Variants in TRAF3 observed in about 807,000 individuals in gnomAD.
The protein encoded by TRAF3 is TNF receptor associated factor 3, also known as TNF receptor-associated factor 3.
In TRAF3, 13 loss-of-function variants were observed where a neutral mutation model predicts 62.3. That is an observed-to-expected ratio of 0.21 (90% CI 0.14 to 0.33). TRAF3 has a LOEUF of 0.33. Among genes scored for constraint, TRAF3 ranks in the 10% least tolerant of loss-of-function variants. The probability of loss-of-function intolerance (pLI) is 1.00; values close to 1 mark genes in which losing one functional copy is unlikely to be tolerated. For synonymous variants in TRAF3, 269 were observed against 283.4 expected (o/e 0.95, Z 0.51); for missense variants, 440 against 741.8 (o/e 0.59, Z 4.73).
intron 1 of TRAF3, among the ~76,000 whole-genome samples, chr14:102,816,682 G>A (rs7144686): frequency 0.85 from 130,139 of 152,230 alleles, 55,814 homozygotes; most frequent in East Asian, 0.95. Flanking sequence ...TTGATTATAT[G>A]ATGATCATAT....
At chr14:102,789,360 A>C (rs1346283230) in intron 1 of TRAF3, among the ~76,000 whole-genome samples, 2 of 152,108 alleles carry the variant, frequency 1.3e-5, no homozygotes, top group African/African-American at 4.8e-5. Context: ...TTTTTATTTC[A>C]CTTGGGTATA....
rs975164757 is a variant in TRAF3, at chr14:102,889,486, A to T, written c.652-74A>T. On this transcript the variant is annotated intron_variant, in intron 7 of 11. Transcript: ENST00000392745. ...TTCTTAATAGTACAGCTCAGATGCT[A>T]TCTGTGCCCTAATATGTTTGAACAT... 4 of 1,446,246 alleles carry T rather than the reference A, an allele frequency of 2.8e-6. No individual in the cohort carries two copies. The African/African-American group carries it at 5.6e-5, about 20-fold the overall frequency. The allele number at this position is 1,446,246 out of a possible 1,614,324, so 89.6% of individuals were successfully genotyped here.
At chr14:102,893,825 G>C (rs560123254) in intron 9 of TRAF3, among the ~76,000 whole-genome samples, 6 of 152,310 alleles carry the variant, frequency 3.9e-5, no homozygotes, top group Non-Finnish European at 8.8e-5. Context: ...AGGCCAGCCA[G>C]CTCGGCTCTG....
chr14:102,881,248 G>A (rs145941390), intron 6 of TRAF3, among the ~76,000 whole-genome samples: 1 of 151,992 alleles, frequency 6.6e-6, no homozygotes, highest in African/African-American at 2.4e-5. Context: ...GCTGGGCATG[G>A]TAACACATGC....
intron 6 of TRAF3, among the ~76,000 whole-genome samples, chr14:102,879,805 C>T (rs1198099137): frequency 6.6e-6 from 1 of 151,982 alleles, no homozygotes; most frequent in Non-Finnish European, 1.5e-5. Context: ...TGTGGTACTT[C>T]AGATGTTTCC....
chr14:102,811,344 G>C (rs939967001), intron 1 of TRAF3, among the ~76,000 whole-genome samples: 1 of 151,106 alleles, frequency 6.6e-6, no homozygotes, highest in Non-Finnish European at 1.5e-5. Flanking sequence ...TGTTGCCTCA[G>C]GCGGGAGTGC....
intron 2 of TRAF3, among the ~76,000 whole-genome samples, chr14:102,864,244 G>A (rs1445940820): frequency 2.0e-5 from 3 of 151,044 alleles, no homozygotes; most frequent in Non-Finnish European, 2.9e-5. Context: ...CGCCTCCCAG[G>A]TTCACGCCAT....
In TRAF3 at chr14:102,824,361, G is replaced by C. The variant is rs543037193; in HGVS notation, c.-156-5973G>C. On this transcript the variant is annotated intron_variant, in intron 1 of 11. Coordinates refer to ENST00000392745, the MANE Select transcript of TRAF3 (RefSeq NM_145725.3). ...GGTGGTCATGAAATGGTCTTATCCT[G>C]TATAGATTTTTGGTAAATAAGTATG... Among the ~76,000 whole-genome samples the C allele has an allele frequency of 1.1e-4, 16 of 152,278 alleles. No individual in the cohort carries two copies. The East Asian group carries it at 3.1e-3, about 29-fold the overall frequency.
intron 1 of TRAF3, among the ~76,000 whole-genome samples, chr14:102,787,452 G>T (rs988154577): frequency 3.3e-5 from 5 of 150,574 alleles, no homozygotes; most frequent in Non-Finnish European, 7.4e-5. Context: ...TGAGGTGGGC[G>T]AATCACTTGA....
At chr14:102,835,489 G>A (rs760689137) in intron 2 of TRAF3, among the ~76,000 whole-genome samples, 5 of 152,142 alleles carry the variant, frequency 3.3e-5, no homozygotes, top group Non-Finnish European at 7.3e-5. Context: ...GCAAAGACAT[G>A]GAATCCACTG....
intron 9 of TRAF3, 91 bp from the exon 10 acceptor site, chr14:102,897,170 A>C: frequency 1.2e-5 from 14 of 1,142,286 alleles, no homozygotes; most frequent in Non-Finnish European, 1.7e-5. Context: ...AAGCTAACAG[A>C]AGGCCTATAT....
intron 1 of TRAF3, among the ~76,000 whole-genome samples, chr14:102,809,935 A>G (rs1314549796): frequency 6.6e-6 from 1 of 152,178 alleles, no homozygotes; most frequent in African/African-American, 2.4e-5. Context: ...CTGATGAAAC[A>G]TACTCCATCC....
At chr14:102,905,073 C>G (rs1391866836) in intron 11 of TRAF3, 140 bp from the exon 12 acceptor site, 5 of 868,838 alleles carry the variant, frequency 5.8e-6, no homozygotes, top group Non-Finnish European at 5.5e-6. Context: ...GATGGTGCCA[C>G]TGCACTCCAG....
intron 4 of TRAF3, among the ~76,000 whole-genome samples, chr14:102,874,376 C>T (rs866656657): frequency 1.3e-5 from 2 of 152,150 alleles, no homozygotes; most frequent in Non-Finnish European, 2.9e-5. Flanking sequence ...CCTGCCTCAG[C>T]CTCCCGAGTA....
At chr14:102,896,239 CA>C (rs34579137) in intron 9 of TRAF3, among the ~76,000 whole-genome samples, 1 of 152,176 alleles carries the variant, frequency 6.6e-6, no homozygotes, top group African/African-American at 2.4e-5. Flanking sequence ...TCAGTGGGCT[CA>C]AAAACGTCCG....
chr14:102,821,698 A>G (rs1005946782), intron 1 of TRAF3, among the ~76,000 whole-genome samples: 1 of 152,220 alleles, frequency 6.6e-6, no homozygotes, highest in Non-Finnish European at 1.5e-5. Flanking sequence ...AAATGTTTGC[A>G]TCTGTATTGC....
chr14:102,842,589 T>A (rs1274845719), intron 2 of TRAF3, among the ~76,000 whole-genome samples: 7 of 151,956 alleles, frequency 4.6e-5, no homozygotes, highest in Non-Finnish European at 7.4e-5. Flanking sequence ...TGGCTGGAAA[T>A]TTTCCAAATT....
At chr14:102,883,552 A>G (rs936553809) in intron 6 of TRAF3, among the ~76,000 whole-genome samples, 2 of 151,944 alleles carry the variant, frequency 1.3e-5, no homozygotes, top group Admixed American at 6.6e-5. Flanking sequence ...TGTTGGCTTC[A>G]TGGGTGTTCA....
intron 2 of TRAF3, among the ~76,000 whole-genome samples, chr14:102,840,733 A>G (rs1886327498): frequency 6.6e-6 from 1 of 152,186 alleles, no homozygotes; most frequent in Non-Finnish European, 1.5e-5. Context: ...GCCTAAGGCA[A>G]GTACCTCACT....
Sources: allele counts gnomAD v4.1 joint callset (sites outside exome capture counted in the v4.1 genomes callset), GRCh38; gene constraint gnomAD v4.1.1; transcripts MANE v1.5; gene names NCBI Gene and HGNC (gene_info 2026-07-23, HGNC 2026-07-21).